The following PRMT8 variants were observed in gnomAD, a reference collection of about 807,000 sequenced individuals.
The protein encoded by PRMT8 is protein arginine N-methyltransferase 8.
A neutral mutation model predicts 47.1 loss-of-function variants in PRMT8; 7 were observed. That is an observed-to-expected ratio of 0.15 (90% confidence interval 0.08 to 0.28). The LOEUF is 0.28. Ranked by LOEUF, PRMT8 falls within the 10% of genes least tolerant of loss-of-function variation. The pLI is 1.00. For missense variants in PRMT8, 237 were observed against 505.4 expected (o/e 0.47, Z 5.09); for synonymous variants, 188 against 186.5 (o/e 1.01, Z -0.07).
rs1038190971 is a variant in PRMT8 at position 3,588,366 on chromosome 12, G to A, written c.980-3865G>A. 9.2e-5 allele frequency among the ~76,000 whole-genome samples: 14 copies of A among 152,272 alleles called. No homozygotes were observed. The South Asian group carries it at 1.7e-3, about 18-fold the overall frequency. ...AGGACGACCAGCCACTTAGCCATTGGTCAGTGAGATGGGAAGCAGGATTCC... is the reference window on the plus strand; with the variant it reads ...AGGACGACCAGCCACTTAGCCATTGATCAGTGAGATGGGAAGCAGGATTCC... On this transcript the variant is annotated intron_variant, in intron 8 of 9. Coordinates refer to ENST00000382622, the MANE Select transcript of PRMT8 (RefSeq NM_019854.5).
chr12:3,458,946 G>A (rs537559170), intron 1 of PRMT8, among the ~76,000 whole-genome samples: 1 of 152,290 alleles, frequency 6.6e-6, no homozygotes, highest in Admixed American at 6.5e-5. Flanking sequence ...CAATTCAGTG[G>A]CCTCATCGGG....
At chr12:3,567,124 C>T (rs1866733485) in intron 4 of PRMT8, among the ~76,000 whole-genome samples, 1 of 152,254 alleles carries the variant, frequency 6.6e-6, no homozygotes, top group South Asian at 2.1e-4. Context: ...CTTCCCCTCT[C>T]CATCTGTGGA....
intron 1 of PRMT8, among the ~76,000 whole-genome samples, chr12:3,511,912 G>C (rs1865720229): frequency 6.6e-6 from 1 of 152,214 alleles, no homozygotes; most frequent in Non-Finnish European, 1.5e-5. Context: ...AAGTGCTGGG[G>C]CTGGCTTATC....
intron 1 of PRMT8, among the ~76,000 whole-genome samples, chr12:3,398,739 C>T (rs574935724): frequency 1.3e-5 from 2 of 152,274 alleles, no homozygotes; most frequent in African/African-American, 4.8e-5. Context: ...GTGTTGTGCC[C>T]CTGGGTGGCA....
chr12:3,420,315 G>C (rs977736214), intron 1 of PRMT8, among the ~76,000 whole-genome samples: 1 of 152,182 alleles, frequency 6.6e-6, no homozygotes, highest in South Asian at 2.1e-4. Context: ...GTCACTTAAT[G>C]TAATGAAGCC....
intron 1 of PRMT8, among the ~76,000 whole-genome samples, chr12:3,539,581 G>A (rs1866183202): frequency 6.6e-6 from 1 of 152,142 alleles, no homozygotes; most frequent in South Asian, 2.1e-4. Flanking sequence ...TGCACTCCAG[G>A]CAGAGGAGGT....
intron 1 of PRMT8, among the ~76,000 whole-genome samples, chr12:3,415,212 A>G (rs1335611118): frequency 6.6e-6 from 1 of 152,162 alleles, no homozygotes; most frequent in Non-Finnish European, 1.5e-5. Flanking sequence ...GAAGAGATGC[A>G]TGGGGCGAGG....
intron 1 of PRMT8, among the ~76,000 whole-genome samples, chr12:3,435,893 C>T (rs141384811): frequency 5.5e-4 from 84 of 152,168 alleles, no homozygotes; most frequent in African/African-American, 1.9e-3. Flanking sequence ...CCTAGGATGG[C>T]GAATTAAGCT....
intron 1 of PRMT8, among the ~76,000 whole-genome samples, chr12:3,401,886 G>T (rs1396013606): frequency 1.3e-5 from 2 of 152,130 alleles, no homozygotes. Context: ...AATCAATATC[G>T]TGAAAATGGC....
chr12:3,518,909 T>C (rs574885662), intron 1 of PRMT8, among the ~76,000 whole-genome samples: 1 of 152,224 alleles, frequency 6.6e-6, no homozygotes, highest in South Asian at 2.1e-4. Flanking sequence ...CTGATATTAC[T>C]AAGAAACTGC....
intron 1 of PRMT8, among the ~76,000 whole-genome samples, chr12:3,382,838 T>A (rs181698382): frequency 3.7e-4 from 56 of 152,342 alleles, no homozygotes; most frequent in African/African-American, 1.2e-3. Flanking sequence ...CTAAAAGTGT[T>A]ATAGTTGTAT....
intron 8 of PRMT8, among the ~76,000 whole-genome samples, chr12:3,587,445 ATATAAT>A (rs1867204425): frequency 1.3e-5 from 2 of 152,032 alleles, no homozygotes; most frequent in African/African-American, 4.8e-5. Flanking sequence ...AATAACTGTA[ATATAAT>A]TATAATTAAA....
intron 1 of PRMT8, among the ~76,000 whole-genome samples, chr12:3,482,682 G>A (rs1865285653): frequency 6.6e-6 from 1 of 152,148 alleles, no homozygotes; most frequent in South Asian, 2.1e-4. Context: ...GGGCTGGGGT[G>A]TCCTTTTTAC....
chr12:3,550,405 A>G lies in PRMT8; in HGVS notation c.417+314A>G. On this transcript the variant is annotated intron_variant, in intron 3 of 9. Transcript: ENST00000382622. The surrounding 1 kb of genome is among the most constrained non-coding windows in gnomAD (Gnocchi z 5.1). ...AGCTTCAGAGGCAGTGCAGGTGGTT[A>G]CTCGGGGGAGCTCTGGTTTGAATCT... 1 of 298,260 alleles carries G rather than the reference A, an allele frequency of 3.4e-6. No homozygotes were observed. Among genetic ancestry groups the G allele is most frequent in the Non-Finnish European group, 6.4e-6 (1 of 155,560 alleles). 18.5% of individuals were successfully genotyped at this position (298,260 alleles called of 1,614,324 possible).
chr12:3,433,629 T>G (rs578078060), intron 1 of PRMT8, among the ~76,000 whole-genome samples: 24 of 152,272 alleles, frequency 1.6e-4, no homozygotes, highest in Admixed American at 1.4e-3. Flanking sequence ...TTTTTTTTTT[T>G]TAGATGAAGT....
chr12:3,562,852 C>T (rs991808549), intron 4 of PRMT8, among the ~76,000 whole-genome samples: 4 of 152,126 alleles, frequency 2.6e-5, no homozygotes, highest in African/African-American at 9.7e-5. Context: ...ACTTTCTGTC[C>T]CATGGAAGCT....
chr12:3,493,174 G>A lies in PRMT8; in HGVS notation c.75+1474G>A, dbSNP rs1865450081. ...TCAGTAGCGAATGCTGTCTCCTTGA[G>A]TTAGGGCAAAGCCTGCGTGCCCGCC... On this transcript the variant is annotated intron_variant, in intron 1 of 9. Coordinates refer to ENST00000382622, the MANE Select transcript of PRMT8 (RefSeq NM_019854.5). The surrounding 1 kb of genome is among the most constrained non-coding windows in gnomAD (Gnocchi z 8.2). Among the ~76,000 whole-genome samples, 1 of 152,190 alleles carries A rather than the reference G, an allele frequency of 6.6e-6. No individual in the cohort carries two copies.
intron 1 of PRMT8, among the ~76,000 whole-genome samples, chr12:3,462,471 G>A (rs1198410496): frequency 6.6e-6 from 1 of 152,014 alleles, no homozygotes; most frequent in Admixed American, 6.5e-5. Flanking sequence ...AACTATAGGT[G>A]ATAGTGTCCA....
At chr12:3,382,379 G>A (rs867078161) in intron 1 of PRMT8, among the ~76,000 whole-genome samples, 2 of 152,072 alleles carry the variant, frequency 1.3e-5, no homozygotes, top group East Asian at 1.9e-4. Flanking sequence ...GTTTCTCTGC[G>A]TCCTCACCTG....
Sources: gnomAD v4.1 joint callset for allele counts (sites outside exome capture counted in the v4.1 genomes callset) on GRCh38, gnomAD v4.1.1 for gene constraint, Gnocchi (gnomAD v3.1) non-coding constraint, MANE v1.5 for transcripts, NCBI Gene and HGNC (gene_info 2026-07-23, HGNC 2026-07-21) for gene names.